CACNA2D3: variants seen among roughly 807,000 people sequenced by gnomAD.
CACNA2D3 encodes the protein voltage-dependent calcium channel subunit alpha-2/delta-3.
CACNA2D3 carries 60 observed loss-of-function variants against 160.6 expected under a neutral mutation model. The observed-to-expected ratio is 0.37, with a 90% CI of 0.30 to 0.46. The LOEUF (loss-of-function observed/expected upper bound fraction) is 0.46, where lower values mean the gene tolerates loss of function less well. Ranked by LOEUF, CACNA2D3 falls within the 20% of genes least tolerant of loss-of-function variation. The pLI, the probability that CACNA2D3 is intolerant of heterozygous loss-of-function variation, is 1.00. For synonymous variants in CACNA2D3, 558 were observed against 492.9 expected, an observed-to-expected ratio of 1.13 and a Z score of -1.75; for missense variants, 1,205 against 1,365.0, an observed-to-expected ratio of 0.88 and a Z score of 1.85.
At chr3:55,074,008 CCAG>C (rs1397053761) in intron 37 of CACNA2D3, 103 bp from the exon 38 acceptor site, 1 of 1,126,058 alleles carries the variant, frequency 8.9e-7, no homozygotes. Context: ...CATCTAGGTC[CCAG>C]AAGACTTCGT....
chr3:54,366,833 A>C (rs1172044799), intron 3 of CACNA2D3, among the ~76,000 whole-genome samples: 1 of 152,206 alleles, frequency 6.6e-6, no homozygotes, highest in African/African-American at 2.4e-5. Flanking sequence ...GCTTAACTCC[A>C]TGTATATTTG....
Position 54,122,835 on chromosome 3 carries a change from T to G in CACNA2D3, c.122T>G (p.Val41Gly), listed in dbSNP as rs1699501503. ...VRSEQQIPLSVVKLWASAFGG... is the reference protein window; with the variant it reads ...VRSEQQIPLSGVKLWASAFGG... ...TCGGAGCAGCAGATACCGCTCTCCG[T>G]GTAAGTGCCGGCTCCTGCGCCGCCC... Residue 41 changes from valine (V) to glycine (G), a missense_variant and splice_region_variant, in exon 1 of 38, where the codon GTG becomes GGG. By Grantham distance (109) the Val-to-Gly change is moderately radical (BLOSUM62 -3). This residue lies in a region of CACNA2D3 where 163 missense variants were observed against 161.3 expected (regional missense o/e 1.01). Coordinates refer to ENST00000474759, the MANE Select transcript of CACNA2D3 (RefSeq NM_018398.3). The G allele has an allele frequency of 2.4e-6, 3 of 1,225,078 alleles. No individual in the cohort carries two copies. The highest frequency in any genetic ancestry group is 4.3e-5 in the Admixed American group (1 of 23,114). The allele number at this position is 1,225,078 out of a possible 1,614,324, so 75.9% of individuals were successfully genotyped here.
chr3:55,060,082 G>A (rs1704469404), intron 35 of CACNA2D3, among the ~76,000 whole-genome samples: 1 of 152,096 alleles, frequency 6.6e-6, no homozygotes, highest in African/African-American at 2.4e-5. Flanking sequence ...AGGCTTGAAG[G>A]TGGGGCCTTT....
chr3:54,963,182 T>C (rs550171627), intron 27 of CACNA2D3, among the ~76,000 whole-genome samples: 1 of 152,284 alleles, frequency 6.6e-6, no homozygotes, highest in South Asian at 2.1e-4. Flanking sequence ...ATTTCCAACT[T>C]CCCCTTGCAA....
intron 11 of CACNA2D3, among the ~76,000 whole-genome samples, chr3:54,717,701 T>C (rs1701080741): frequency 1.4e-5 from 2 of 146,632 alleles, no homozygotes; most frequent in East Asian, 2.0e-4. Context: ...TGCGTGTGTG[T>C]GGTGTGTGCA....
chr3:54,537,319 G>C (rs902817765), intron 5 of CACNA2D3, among the ~76,000 whole-genome samples: 10 of 152,238 alleles, frequency 6.6e-5, no homozygotes, highest in African/African-American at 1.9e-4. Context: ...TAGAGGGCAT[G>C]GTTAAATTCT....
intron 2 of CACNA2D3, among the ~76,000 whole-genome samples, chr3:54,305,989 G>A (rs569969814): frequency 6.6e-6 from 1 of 152,114 alleles, no homozygotes; most frequent in Non-Finnish European, 1.5e-5. Context: ...ATTGTTTAAT[G>A]CACCCATGAA....
intron 31 of CACNA2D3, among the ~76,000 whole-genome samples, chr3:54,996,500 G>T (rs533269561): frequency 1.3e-5 from 2 of 152,146 alleles, no homozygotes; most frequent in Admixed American, 6.5e-5. Context: ...AGCAACATCC[G>T]CTCTGAGTGG....
At chr3:54,997,955 T>C (rs531576462) in intron 31 of CACNA2D3, among the ~76,000 whole-genome samples, 16 of 152,208 alleles carry the variant, frequency 1.1e-4, no homozygotes, top group Non-Finnish European at 1.0e-4. Context: ...GCAGTTTAAG[T>C]GTGCAGCTTT....
intron 27 of CACNA2D3, among the ~76,000 whole-genome samples, chr3:54,925,852 G>A (rs770871511): frequency 7.8e-4 from 119 of 152,166 alleles, no homozygotes; most frequent in Non-Finnish European, 1.3e-3. Flanking sequence ...GATCTAAAGC[G>A]CTGCTACGTA....
intron 8 of CACNA2D3, among the ~76,000 whole-genome samples, chr3:54,576,225 C>T (rs977616208): frequency 5.9e-5 from 9 of 152,156 alleles, no homozygotes; most frequent in Non-Finnish European, 1.3e-4. Context: ...CAGCTTCTGA[C>T]ATTAGGTGGG....
chr3:54,904,436 A>T (rs1427411016), intron 27 of CACNA2D3, among the ~76,000 whole-genome samples: 1 of 152,188 alleles, frequency 6.6e-6, no homozygotes, highest in Admixed American at 6.5e-5. Flanking sequence ...TTTATCTTCT[A>T]GACCCTCCCT....
At chr3:54,708,134 A>G (rs1700889844) in intron 11 of CACNA2D3, among the ~76,000 whole-genome samples, 1 of 152,192 alleles carries the variant, frequency 6.6e-6, no homozygotes, top group Non-Finnish European at 1.5e-5. Flanking sequence ...GGGGCCTTAT[A>G]TTCCTGGCCT....
chr3:54,159,261 T>C (rs1397704292), intron 2 of CACNA2D3, among the ~76,000 whole-genome samples: 1 of 152,236 alleles, frequency 6.6e-6, no homozygotes, highest in African/African-American at 2.4e-5. Flanking sequence ...ATCCCTGATA[T>C]TAACGTGGTC....
intron 27 of CACNA2D3, among the ~76,000 whole-genome samples, chr3:54,909,199 A>G (rs1358172): frequency 0.79 from 120,012 of 152,144 alleles, 48,329 homozygotes; most frequent in African/African-American, 0.95. Context: ...AAGTCAAGAC[A>G]GTGATTTAGT....
At chr3:54,998,874 G>A (rs1702919700) in intron 31 of CACNA2D3, among the ~76,000 whole-genome samples, 1 of 152,052 alleles carries the variant, frequency 6.6e-6, no homozygotes, top group Non-Finnish European at 1.5e-5. Flanking sequence ...AGCCTCCCGA[G>A]TAGCTGGGAC....
At chr3:54,372,583 C>T (rs1207961512) in intron 3 of CACNA2D3, among the ~76,000 whole-genome samples, 2 of 152,076 alleles carry the variant, frequency 1.3e-5, no homozygotes, top group Non-Finnish European at 2.9e-5. Context: ...TTCATTAGCT[C>T]TCTGTCTTTT....
At chr3:54,793,905 A>G (rs1702811797) in intron 13 of CACNA2D3, among the ~76,000 whole-genome samples, 1 of 152,128 alleles carries the variant, frequency 6.6e-6, no homozygotes, top group Admixed American at 6.6e-5. Flanking sequence ...TTTCTTTTGT[A>G]GATATAGGGC....
intron 8 of CACNA2D3, among the ~76,000 whole-genome samples, chr3:54,578,823 T>C (rs1487891550): frequency 6.6e-6 from 1 of 152,222 alleles, no homozygotes; most frequent in Non-Finnish European, 1.5e-5. Flanking sequence ...TTCTTGACTT[T>C]TAAATCCCCT....
Sources: gnomAD v4.1 joint callset for allele counts (sites outside exome capture counted in the v4.1 genomes callset) on GRCh38, gnomAD v4.1.1 for gene constraint, gnomAD v4.1.1 regional missense constraint, MANE v1.5 for transcripts, NCBI Gene and HGNC (gene_info 2026-07-23, HGNC 2026-07-21) for gene names.